Variants in ELFN2 observed in about 807,000 individuals in gnomAD.
ELFN2 encodes extracellular leucine rich repeat and fibronectin type III domain containing 2.
Under a neutral mutation model 45.5 loss-of-function variants are expected in ELFN2, and 17 were observed. The ratio of observed to expected loss-of-function variants is 0.37; its 90% CI spans 0.26 to 0.56. The LOEUF (loss-of-function observed/expected upper bound fraction) is 0.56. ELFN2 is among the 20% of genes least tolerant of loss of function. ELFN2 has a pLI of 0.77. For missense variants in ELFN2, 922 were observed against 1,183.2 expected (o/e 0.78, Z 3.24); for synonymous variants, 550 against 551.5 (o/e 1.00, Z 0.04).
intron 2 of ELFN2, among the ~76,000 whole-genome samples, chr22:37,405,819 T>C (rs150096237): frequency 3.2e-4 from 46 of 142,248 alleles, no homozygotes; most frequent in African/African-American, 1.2e-3. Context: ...TTCCTCCCTT[T>C]AGGAAAAAAA....
chr22:37,391,215 C>T (rs1240947262), intron 2 of ELFN2, among the ~76,000 whole-genome samples: 3 of 152,130 alleles, frequency 2.0e-5, no homozygotes, highest in South Asian at 2.1e-4. Context: ...CTCTGGCTCC[C>T]GACCCCCATC....
chr22:37,376,597 C>G (rs1176679666), intron 2 of ELFN2, among the ~76,000 whole-genome samples: 1 of 152,206 alleles, frequency 6.6e-6, no homozygotes, highest in African/African-American at 2.4e-5. Context: ...AAAAATAATT[C>G]CCTTGTCTCA....
chr22:37,346,717 C>T (rs945665769), intron 1 of ELFN2, among the ~76,000 whole-genome samples: 1 of 152,116 alleles, frequency 6.6e-6, no homozygotes, highest in Non-Finnish European at 1.5e-5. Flanking sequence ...CGGAGAGGCA[C>T]GGCTCCTGTA....
At position 37,372,820 on chromosome 22, in the gene ELFN2, T is replaced by C. The variant is rs1931410503; in HGVS notation, c.*252A>G. The C allele has an allele frequency of 9.4e-6, 4 of 425,834 alleles. No homozygotes were observed. Among genetic ancestry groups the C allele is most frequent in the African/African-American group, 8.2e-5 (4 of 48,606 alleles). 26.4% of individuals were successfully genotyped at this position (425,834 alleles called of 1,614,324 possible). On this transcript the variant is annotated 3_prime_UTR_variant, in exon 3 of 3. Coordinates refer to ENST00000402918, the MANE Select transcript of ELFN2 (RefSeq NM_052906.5). The surrounding 1 kb of genome is among the most constrained non-coding windows in gnomAD (Gnocchi z 4.4). Reference sequence around the variant, plus strand: ...CCCTGGGCAGCACAGTAAAGACGACTGGTTTCGGTATCAGTTTGTAAACTT... The same window carrying C: ...CCCTGGGCAGCACAGTAAAGACGACCGGTTTCGGTATCAGTTTGTAAACTT...
Position 37,417,038 on chromosome 22 carries a change from A to T in ELFN2, c.-463+731T>A, listed in dbSNP as rs1187923400. On this transcript the variant is annotated intron_variant, in intron 2 of 2. Coordinates refer to ENST00000402918, the MANE Select transcript of ELFN2 (RefSeq NM_052906.5). The surrounding 1 kb of genome is among the most constrained non-coding windows in gnomAD (Gnocchi z 4.5). ...ATGCCACAGAGGCGGCTCCCTCACC[A>T]CGGCAACCACCGTCACTCAGCGCCG... Among the ~76,000 whole-genome samples the T allele has an allele frequency of 6.8e-6, 1 of 147,322 alleles. No homozygotes were observed. Among genetic ancestry groups the T allele is most frequent in the Non-Finnish European group, 1.5e-5 (1 of 66,366 alleles).
At position 37,375,996 on chromosome 22, in the gene ELFN2, C is replaced by G. The variant is rs1009543931; in HGVS notation, c.-462G>C. ...GGAAGAGACCCATCTGCACCTGGTTCCTGAAAGGCAGCATCGAGAGCGGGT... is the reference window on the plus strand; with the variant it reads ...GGAAGAGACCCATCTGCACCTGGTTGCTGAAAGGCAGCATCGAGAGCGGGT... On this transcript the variant is annotated splice_region_variant and 5_prime_UTR_variant, in exon 3 of 3. Transcript: ENST00000402918. The G allele has an allele frequency of 5.4e-6, 1 of 186,336 alleles. No individual in the cohort carries two copies. The highest frequency in any genetic ancestry group is 2.4e-5 in the African/African-American group (1 of 41,692). 11.5% of individuals were successfully genotyped at this position (186,336 alleles called of 1,614,324 possible).
chr22:37,400,774 G>A (rs8143072), intron 2 of ELFN2, among the ~76,000 whole-genome samples: 29,008 of 152,222 alleles, frequency 0.19, 4,262 homozygotes, highest in African/African-American at 0.41. Context: ...GTCCATGCCG[G>A]ACACAGGCCC....
At chr22:37,382,041 G>C (rs887438830) in intron 2 of ELFN2, among the ~76,000 whole-genome samples, 6 of 147,320 alleles carry the variant, frequency 4.1e-5, no homozygotes, top group South Asian at 2.2e-4. Flanking sequence ...GGGTGCTCAT[G>C]ATGGGGCACA....
chr22:37,345,117 C>T (rs1208114606), intron 1 of ELFN2, among the ~76,000 whole-genome samples: 1 of 135,836 alleles, frequency 7.4e-6, no homozygotes, highest in Non-Finnish European at 1.7e-5. Flanking sequence ...CCACTACCTT[C>T]CTGTGCCCCC....
chr22:37,423,307 C>T (rs1402544670), intron 1 of ELFN2, among the ~76,000 whole-genome samples: 4 of 152,296 alleles, frequency 2.6e-5, no homozygotes, highest in African/African-American at 4.8e-5. Flanking sequence ...AAGCAAAGGG[C>T]GTCCGCCACC....
intron 2 of ELFN2, among the ~76,000 whole-genome samples, chr22:37,393,791 C>A (rs924946688): frequency 1.3e-5 from 2 of 152,194 alleles, no homozygotes; most frequent in African/African-American, 4.8e-5. Flanking sequence ...CACCCTCTTG[C>A]CCTGGCTCCT....
rs1931382403 is a variant in ELFN2 at position 37,372,041 on chromosome 22, G to A, written c.*1031C>T. On this transcript the variant is annotated 3_prime_UTR_variant, in exon 3 of 3. Transcript: ENST00000402918. This position sits in a 1 kb window ranked among gnomAD's most constrained non-coding sequence, Gnocchi z 4.4. ...GACAGCTCCTCCCTGCAGCCCTCCA[G>A]GCATCACAGTGCACCGCTGCCCTTC... 6.6e-6 allele frequency: 1 copy of A among 152,490 alleles called. No homozygotes were observed. The highest frequency in any genetic ancestry group is 2.4e-5 in the African/African-American group (1 of 41,446). 9.4% of individuals were successfully genotyped at this position (152,490 alleles called of 1,614,324 possible). A position where few individuals can be genotyped will look rare whatever the true frequency, so the allele number is the denominator to read the frequency against.
At chr22:37,416,883 G>A (rs1439228614) in intron 2 of ELFN2, among the ~76,000 whole-genome samples, 1 of 152,144 alleles carries the variant, frequency 6.6e-6, no homozygotes. Flanking sequence ...CACCTGGACA[G>A]CCACAGCCCC....
In ELFN2 at chr22:37,374,441, C is replaced by T. The variant is rs776551949; in HGVS notation, c.1094G>A (p.Arg365His). Residue 365 changes from arginine to histidine, a missense_variant, in exon 3 of 3, where the codon CGC (arginine) becomes CAC (histidine). This residue lies in a region of ELFN2 where 358 missense variants were observed against 540.4 expected (regional missense o/e 0.66). Transcript: ENST00000402918. ...TEYTFCVTSLRNSRRFNHTCL... is the reference protein window; with the variant it reads ...TEYTFCVTSLHNSRRFNHTCL... ...GGTGTGGTTGAAGCGGCGGCTGTTG[C>T]GCAGCGAGGTCACGCAGAAGGTGTA... 7 of 1,613,948 alleles carry T rather than the reference C, an allele frequency of 4.3e-6. No homozygotes were observed. The highest frequency in any genetic ancestry group is 2.2e-5 in the East Asian group (1 of 44,880).
intron 1 of ELFN2, among the ~76,000 whole-genome samples, chr22:37,360,590 T>G (rs980397245): frequency 3.3e-5 from 5 of 152,162 alleles, no homozygotes; most frequent in African/African-American, 1.2e-4. Context: ...TCCATCCGGC[T>G]GGCACAGGGA....
chr22:37,390,173 G>T (rs1932054435), intron 2 of ELFN2, among the ~76,000 whole-genome samples: 1 of 152,254 alleles, frequency 6.6e-6, no homozygotes, highest in African/African-American at 2.4e-5. Context: ...AGGACTGCTT[G>T]TGATGAGGAC....
chr22:37,402,880 G>A (rs996439127), intron 2 of ELFN2, among the ~76,000 whole-genome samples: 2 of 152,076 alleles, frequency 1.3e-5, no homozygotes, highest in Admixed American at 6.5e-5. Context: ...GCTGTGCACC[G>A]AGCACAGCAC....
intron 2 of ELFN2, among the ~76,000 whole-genome samples, chr22:37,406,885 T>C (rs1217462355): frequency 6.6e-6 from 1 of 152,180 alleles, no homozygotes; most frequent in East Asian, 1.9e-4. Context: ...CAGAGTCCAC[T>C]GGGCAAAGCA....
chr22:37,389,660 C>T (rs1031891212), intron 2 of ELFN2, among the ~76,000 whole-genome samples: 1 of 152,094 alleles, frequency 6.6e-6, no homozygotes, highest in Non-Finnish European at 1.5e-5. Context: ...TCCAGTGATG[C>T]ACTTGAACCC....
Sources: gnomAD v4.1 joint callset for allele counts (sites outside exome capture counted in the v4.1 genomes callset) on GRCh38, gnomAD v4.1.1 for gene constraint, gnomAD v4.1.1 regional missense constraint, Gnocchi (gnomAD v3.1) non-coding constraint, MANE v1.5 for transcripts, NCBI Gene and HGNC (gene_info 2026-07-23, HGNC 2026-07-21) for gene names.